The following PEMT variants were observed in gnomAD, a reference collection of about 807,000 sequenced individuals.
The protein encoded by PEMT is phospholipid methyltransferase.
In PEMT, 23 loss-of-function variants were observed where a neutral mutation model predicts 27.4. The ratio of observed to expected loss-of-function variants is 0.84; its 90% CI spans 0.60 to 1.19. The LOEUF (loss-of-function observed/expected upper bound fraction) is 1.19, where lower values mean the gene tolerates loss of function less well. PEMT is among the 50% of genes most tolerant of loss of function. The probability of loss-of-function intolerance (pLI) is 0.00; values close to 1 mark genes in which losing one functional copy is unlikely to be tolerated. For synonymous variants in PEMT, 137 were observed against 139.1 expected, an observed-to-expected ratio of 0.98 and a Z score of 0.11; for missense variants, 307 against 310.1, an observed-to-expected ratio of 0.99 and a Z score of 0.07.
At chr17:17,527,310 T>G (rs1271834019) in intron 2 of PEMT, among the ~76,000 whole-genome samples, 1 of 152,232 alleles carries the variant, frequency 6.6e-6, no homozygotes, top group Non-Finnish European at 1.5e-5. Context: ...GTGCTGGGAT[T>G]ACAGGAGTGA....
At chr17:17,537,365 G>A (rs959486226) in intron 2 of PEMT, among the ~76,000 whole-genome samples, 5 of 152,228 alleles carry the variant, frequency 3.3e-5, no homozygotes, top group African/African-American at 1.2e-4. Context: ...GGCAGATGCT[G>A]TCCCTGCAGG....
intron 5 of PEMT, chr17:17,506,997 G>A: frequency 1.5e-6 from 1 of 667,036 alleles, no homozygotes. Flanking sequence ...CAGGCCCAAG[G>A]CCGGATGGAG....
chr17:17,574,793 C>T (rs1911468136), intron 2 of PEMT, among the ~76,000 whole-genome samples: 1 of 152,182 alleles, frequency 6.6e-6, no homozygotes, highest in African/African-American at 2.4e-5. Flanking sequence ...AGCCAAGCTC[C>T]CAGTGCTGGG....
chr17:17,544,409 T>G (rs1455248874), intron 2 of PEMT, among the ~76,000 whole-genome samples: 1 of 151,700 alleles, frequency 6.6e-6, no homozygotes, highest in Admixed American at 6.6e-5. Flanking sequence ...GCCTCCCGAG[T>G]AGCTGGGATT....
intron 1 of PEMT, among the ~76,000 whole-genome samples, chr17:17,585,982 C>A (rs1458719033): frequency 6.6e-6 from 1 of 150,572 alleles, no homozygotes; most frequent in Non-Finnish European, 1.5e-5. Flanking sequence ...ACTCGGGAGG[C>A]TGAAGCAGGA....
chr17:17,511,172 T>G (rs1190580062), intron 4 of PEMT, among the ~76,000 whole-genome samples: 2 of 152,252 alleles, frequency 1.3e-5, no homozygotes, highest in African/African-American at 2.4e-5. Flanking sequence ...CACCTCCAGC[T>G]GCCAGCTACT....
Position 17,512,749 on chromosome 17 carries a change from G to A in PEMT, c.321-95C>T. The A allele has an allele frequency of 7.8e-7, 1 of 1,276,128 alleles. No homozygotes were observed. The highest frequency in any genetic ancestry group is 2.8e-5 in the East Asian group (1 of 35,170). 79.1% of individuals were successfully genotyped at this position (1,276,128 alleles called of 1,614,324 possible). On this transcript the variant is annotated intron_variant, in intron 3 of 6. Coordinates refer to ENST00000255389, the MANE Select transcript of PEMT (RefSeq NM_148172.3). This position sits in a 1 kb window ranked among gnomAD's most constrained non-coding sequence, Gnocchi z 6.3. ...CCTCATCTTCTCGCCCTCTCCCCAG[G>A]GACCCTTAGAGAGTAGCCAGCCCAG...
chr17:17,588,872 C>T (rs1171516419), intron 1 of PEMT, among the ~76,000 whole-genome samples: 1 of 152,226 alleles, frequency 6.6e-6, no homozygotes, highest in Non-Finnish European at 1.5e-5. Context: ...ACAGGGAGGG[C>T]AACAAGGAGC....
At chr17:17,552,909 C>T (rs1036519966) in intron 2 of PEMT, among the ~76,000 whole-genome samples, 1 of 152,176 alleles carries the variant, frequency 6.6e-6, no homozygotes, top group East Asian at 1.9e-4. Flanking sequence ...TCATCCCTTG[C>T]CCCCTTTCCC....
At chr17:17,537,611 C>T (rs1276049134) in intron 2 of PEMT, among the ~76,000 whole-genome samples, 1 of 152,204 alleles carries the variant, frequency 6.6e-6, no homozygotes, top group Non-Finnish European at 1.5e-5. Flanking sequence ...GCCACCTCTT[C>T]CATCCCTGAT....
intron 2 of PEMT, among the ~76,000 whole-genome samples, chr17:17,533,728 GTCTC>G (rs943541213): frequency 1.0e-4 from 12 of 120,404 alleles, no homozygotes; most frequent in African/African-American, 3.5e-4. Flanking sequence ...GTTCGGCAGT[GTCTC>G]TCTTTTTTTT....
At chr17:17,583,525 T>C (rs1335561682) in intron 1 of PEMT, among the ~76,000 whole-genome samples, 2 of 152,190 alleles carry the variant, frequency 1.3e-5, no homozygotes, top group African/African-American at 4.8e-5. Context: ...TGGCAGCCAC[T>C]GTCTGAGCTG....
chr17:17,509,648 G>C (rs1474196816), intron 4 of PEMT, 103 bp from the exon 5 acceptor site: 2 of 788,864 alleles, frequency 2.5e-6, no homozygotes, highest in African/African-American at 3.4e-5. Flanking sequence ...CTGCAGGTGA[G>C]ACAGGGCCCT....
intron 2 of PEMT, among the ~76,000 whole-genome samples, chr17:17,566,118 G>A (rs970971147): frequency 6.6e-6 from 1 of 152,214 alleles, no homozygotes; most frequent in Non-Finnish European, 1.5e-5. Context: ...CTTGGAAATT[G>A]TCCATGGAAT....
At chr17:17,569,447 C>A (rs1911044159) in intron 2 of PEMT, among the ~76,000 whole-genome samples, 1 of 152,152 alleles carries the variant, frequency 6.6e-6, no homozygotes, top group African/African-American at 2.4e-5. Flanking sequence ...AAGACCTGCA[C>A]ATGAGAGCCA....
intron 2 of PEMT, among the ~76,000 whole-genome samples, chr17:17,554,032 G>A (rs1410207628): frequency 6.6e-6 from 1 of 152,248 alleles, no homozygotes; most frequent in Non-Finnish European, 1.5e-5. Flanking sequence ...CTGGACCTGA[G>A]ACCTGGCCCG....
intron 2 of PEMT, among the ~76,000 whole-genome samples, chr17:17,539,741 A>G (rs1424859385): frequency 1.3e-5 from 2 of 152,220 alleles, no homozygotes; most frequent in African/African-American, 4.8e-5. Flanking sequence ...ATTCAGGGGC[A>G]CAGAGCCCCG....
intron 5 of PEMT, 62 bp from the exon 6 acceptor site, chr17:17,506,363 C>G: frequency 1.5e-6 from 2 of 1,296,242 alleles, no homozygotes; most frequent in Non-Finnish European, 2.2e-6. Context: ...CCACGGCCCA[C>G]CTGCCCAGGC....
upstream of PEMT, chr17:17,591,910 C>T: frequency 1.0e-6 from 1 of 985,468 alleles, no homozygotes; most frequent in African/African-American, 1.7e-5. Flanking sequence ...CCCTTGGATC[C>T]GGCCTCCCGC....
Sources: allele counts gnomAD v4.1 joint callset (sites outside exome capture counted in the v4.1 genomes callset), GRCh38; gene constraint gnomAD v4.1.1; non-coding constraint Gnocchi (gnomAD v3.1); transcripts MANE v1.5; gene names NCBI Gene and HGNC (gene_info 2026-07-23, HGNC 2026-07-21).